GPR39: variants seen among roughly 807,000 people sequenced by gnomAD.
GPR39 encodes G protein-coupled receptor 39.
A neutral mutation model predicts 18.4 loss-of-function variants in GPR39; 23 were observed. The observed-to-expected ratio is 1.25, with a 90% CI of 0.90 to 1.77. GPR39 has a LOEUF of 1.77. Ranked by LOEUF, GPR39 falls within the 40% of genes most tolerant of loss-of-function variation. The probability of loss-of-function intolerance (pLI) is 0.00; values close to 1 mark genes in which losing one functional copy is unlikely to be tolerated. For synonymous variants in GPR39, 280 were observed against 257.9 expected, an observed-to-expected ratio of 1.09 and a Z score of -0.82; for missense variants, 647 against 602.4, an observed-to-expected ratio of 1.07 and a Z score of -0.78.
At chr2:132,627,661 C>T (rs1419406052) in intron 1 of GPR39, among the ~76,000 whole-genome samples, 1 of 152,144 alleles carries the variant, frequency 6.6e-6, no homozygotes. Flanking sequence ...GCTCTTGATT[C>T]TAAAATCTCC....
chr2:132,613,532 A>G (rs1033705679), intron 1 of GPR39, among the ~76,000 whole-genome samples: 1 of 152,186 alleles, frequency 6.6e-6, no homozygotes, highest in African/African-American at 2.4e-5. Context: ...CCCTTAGGTC[A>G]TTTACTTCAA....
chr2:132,604,313 T>G (rs914267825), intron 1 of GPR39: 4 of 152,198 alleles, frequency 2.6e-5, no homozygotes, highest in Non-Finnish European at 5.9e-5. Flanking sequence ...GAAAGGCAAG[T>G]TCTTTGTTTA....
chr2:132,452,348 A>C (rs1412451709), intron 1 of GPR39, among the ~76,000 whole-genome samples: 1 of 152,100 alleles, frequency 6.6e-6, no homozygotes, highest in Non-Finnish European at 1.5e-5. Flanking sequence ...TACACCTTTA[A>C]ATATTCTTTT....
intron 1 of GPR39, among the ~76,000 whole-genome samples, chr2:132,495,125 G>A (rs983481896): frequency 6.6e-6 from 1 of 152,170 alleles, no homozygotes; most frequent in East Asian, 1.9e-4. Context: ...GTCATGAATG[G>A]TTCAGGGGGT....
At chr2:132,468,267 A>G (rs1680968022) in intron 1 of GPR39, among the ~76,000 whole-genome samples, 1 of 152,228 alleles carries the variant, frequency 6.6e-6, no homozygotes, top group Non-Finnish European at 1.5e-5. Context: ...AAAAGAGTTT[A>G]CCTTCTAGAC....
chr2:132,435,290 A>G (rs1320787370), intron 1 of GPR39, among the ~76,000 whole-genome samples: 1 of 151,834 alleles, frequency 6.6e-6, no homozygotes, highest in Non-Finnish European at 1.5e-5. Flanking sequence ...AGTAAAACCA[A>G]CCCCTCCTTC....
chr2:132,585,237 TG>T (rs1394110729), intron 1 of GPR39, among the ~76,000 whole-genome samples: 4 of 152,096 alleles, frequency 2.6e-5, no homozygotes, highest in African/African-American at 2.4e-5. Context: ...GGGCTCTCTG[TG>T]GGCCCTTGAA....
chr2:132,517,074 A>G (rs912484113), intron 1 of GPR39, among the ~76,000 whole-genome samples: 8 of 151,946 alleles, frequency 5.3e-5, no homozygotes, highest in African/African-American at 1.9e-4. Flanking sequence ...AAAAGCGGAC[A>G]CTCTTCAGGT....
At chr2:132,495,762 A>G (rs182281033) in intron 1 of GPR39, among the ~76,000 whole-genome samples, 4 of 151,058 alleles carry the variant, frequency 2.6e-5, no homozygotes, top group Admixed American at 6.6e-5. Context: ...AGTATTTTCT[A>G]CCTCTCCTCT....
At chr2:132,511,751 G>A (rs1307692892) in intron 1 of GPR39, among the ~76,000 whole-genome samples, 1 of 152,146 alleles carries the variant, frequency 6.6e-6, no homozygotes, top group East Asian at 1.9e-4. Context: ...TATTGATTAA[G>A]CATTTATTGG....
chr2:132,626,513 C>CT (rs1329989272), intron 1 of GPR39, among the ~76,000 whole-genome samples: 2 of 152,068 alleles, frequency 1.3e-5, no homozygotes, highest in African/African-American at 2.4e-5. Context: ...CTGGTTTTTT[C>CT]TTTTTTTAAA....
intron 1 of GPR39, among the ~76,000 whole-genome samples, chr2:132,565,268 A>C (rs1680328972): frequency 1.3e-5 from 2 of 152,216 alleles, no homozygotes; most frequent in South Asian, 2.1e-4. Context: ...GAGAAAGAAG[A>C]AGCAGAAGGA....
chr2:132,492,846 A>G (rs1278055922), intron 1 of GPR39, among the ~76,000 whole-genome samples: 1 of 141,582 alleles, frequency 7.1e-6, no homozygotes, highest in African/African-American at 2.6e-5. Flanking sequence ...CACCATATAT[A>G]CACCATATAT....
At chr2:132,490,668 A>C (rs977892649) in intron 1 of GPR39, among the ~76,000 whole-genome samples, 1 of 151,888 alleles carries the variant, frequency 6.6e-6, no homozygotes, top group African/African-American at 2.4e-5. Flanking sequence ...GGCTATTCTA[A>C]GAATGATCAG....
intron 1 of GPR39, among the ~76,000 whole-genome samples, chr2:132,510,484 A>T (rs918130256): frequency 3.9e-5 from 6 of 152,148 alleles, no homozygotes; most frequent in Admixed American, 2.0e-4. Context: ...GTGTTGAAGG[A>T]CATACTGTTT....
At chr2:132,493,488 C>CATAT (rs540786857) in intron 1 of GPR39, among the ~76,000 whole-genome samples, 3 of 117,486 alleles carry the variant, frequency 2.6e-5, no homozygotes, top group African/African-American at 6.8e-5. Context: ...ATATATACAC[C>CATAT]ATATATATAT....
intron 1 of GPR39, among the ~76,000 whole-genome samples, chr2:132,469,397 C>T (rs1238439039): frequency 2.6e-5 from 4 of 152,170 alleles, no homozygotes; most frequent in Non-Finnish European, 5.9e-5. Context: ...AAATTGTTAT[C>T]CTTGGGAGTG....
chr2:132,493,110 ATATATACACATT>A (rs1366185616), intron 1 of GPR39, among the ~76,000 whole-genome samples: 100 of 131,176 alleles, frequency 7.6e-4, no homozygotes, highest in South Asian at 3.9e-3. Context: ...TATATATACC[ATATATACACATT>A]CCATATATAT....
At position 132,645,557 on chromosome 2, in the gene GPR39, A is replaced by G; in HGVS notation, c.1313A>G (p.Lys438Arg). The G allele has an allele frequency of 3.1e-6, 5 of 1,614,156 alleles. No individual in the cohort carries two copies. The highest frequency in any genetic ancestry group is 4.2e-6 in the Non-Finnish European group (5 of 1,180,018). ...TCACTAGAGCCCAACTCAGGCGCGA[A>G]ACCAGCCAATTCTGCTGCAGAGAAT... ...LESLEPNSGAKPANSAAENGF... is the reference protein window; with the variant it reads ...LESLEPNSGARPANSAAENGF... The change falls in exon 2 of 2, where the codon AAA becomes AGA. Residue 438 changes from lysine (K) to arginine (R), a missense_variant. By Grantham distance (26) the Lys-to-Arg change is conservative (BLOSUM62 2). Coordinates refer to ENST00000329321, the MANE Select transcript of GPR39 (RefSeq NM_001508.3).
Sources: gnomAD v4.1 joint callset for allele counts (sites outside exome capture counted in the v4.1 genomes callset) on GRCh38, gnomAD v4.1.1 for gene constraint, MANE v1.5 for transcripts, NCBI Gene and HGNC (gene_info 2026-07-23, HGNC 2026-07-21) for gene names.